CYRIA: variants seen among roughly 807,000 people sequenced by gnomAD.
CYRIA encodes CYFIP related Rac1 interactor A.
CYRIA carries 15 observed loss-of-function variants against 43.9 expected under a neutral mutation model. The observed-to-expected ratio is 0.34, with a 90% CI of 0.23 to 0.53. CYRIA has a LOEUF of 0.53. CYRIA is among the 20% of genes least tolerant of loss of function. CYRIA has a pLI of 0.94. For missense variants in CYRIA, 236 were observed against 394.2 expected, an observed-to-expected ratio of 0.60 and a Z score of 3.40; for synonymous variants, 117 against 136.0, an observed-to-expected ratio of 0.86 and a Z score of 0.97.
Position 16,564,018 on chromosome 2 carries a change from T to C in CYRIA, c.269A>G (p.Lys90Arg). 1 of 1,613,492 alleles carries C rather than the reference T, an allele frequency of 6.2e-7. No homozygotes were observed. Among genetic ancestry groups the C allele is most frequent in the Non-Finnish European group, 8.5e-7 (1 of 1,179,644 alleles). Reference protein sequence around the residue: ...NAVCPLVVRLKRFYEFSIRLE... With the variant: ...NAVCPLVVRLRRFYEFSIRLE... ...TCTAATGGAAAACTCGTAAAATCTC[T>C]TTAGCCTCACAACAAGAGGGCACAC... Residue 90 changes from lysine (K) to arginine (R), a missense_variant, in exon 5 of 12, where the codon AAG becomes AGG. By Grantham distance (26) the Lys-to-Arg change is conservative. Coordinates refer to ENST00000381323, the MANE Select transcript of CYRIA (RefSeq NM_030797.4).
At chr2:16,616,475 G>A (rs1475805287) in intron 2 of CYRIA, among the ~76,000 whole-genome samples, 2 of 152,100 alleles carry the variant, frequency 1.3e-5, no homozygotes, top group African/African-American at 4.8e-5. Flanking sequence ...CACTCCCTCT[G>A]AGAGGACTCC....
intron 2 of CYRIA, among the ~76,000 whole-genome samples, chr2:16,601,598 C>T (rs758935576): frequency 6.6e-6 from 1 of 151,664 alleles, no homozygotes; most frequent in Non-Finnish European, 1.5e-5. Context: ...TTTCTATGAC[C>T]GCTTTCTTGG....
intron 2 of CYRIA, among the ~76,000 whole-genome samples, chr2:16,611,692 G>A (rs554719932): frequency 1.3e-5 from 2 of 151,730 alleles, no homozygotes; most frequent in South Asian, 2.1e-4. Flanking sequence ...CTGCCAAGAC[G>A]CCTGTGAGGT....
intron 3 of CYRIA, among the ~76,000 whole-genome samples, chr2:16,573,415 T>C (rs1364012041): frequency 6.6e-6 from 1 of 152,194 alleles, no homozygotes; most frequent in Non-Finnish European, 1.5e-5. Context: ...GATCAAATAT[T>C]CTACATTTCC....
chr2:16,610,058 T>C (rs1012997047), intron 2 of CYRIA, among the ~76,000 whole-genome samples: 6 of 152,188 alleles, frequency 3.9e-5, no homozygotes, highest in African/African-American at 1.4e-4. Context: ...AAAAATGCAA[T>C]TGAGTACTTA....
chr2:16,629,946 G>A (rs138576567), intron 1 of CYRIA, among the ~76,000 whole-genome samples: 65 of 152,306 alleles, frequency 4.3e-4, no homozygotes, highest in Middle Eastern at 3.4e-3. Context: ...ATGGTGGGAA[G>A]CCGAGCATGG....
intron 8 of CYRIA, 36 bp downstream of exon 8, chr2:16,561,125 A>G (rs567343054): frequency 1.2e-6 from 2 of 1,610,454 alleles, no homozygotes; most frequent in East Asian, 4.5e-5. Context: ...GTGTGGAATT[A>G]AGGAAAAAAG....
At position 16,549,686 on chromosome 2, in the gene CYRIA, A is replaced by T. The variant is rs1476895530; in HGVS notation, c.*3250T>A. On this transcript the variant is annotated 3_prime_UTR_variant, in exon 12 of 12. Coordinates refer to ENST00000381323, the MANE Select transcript of CYRIA (RefSeq NM_030797.4). ...TCCAATGTTTATTACTAACATTTAAAAAATATTTGTAGCTGCATAGGATAC... is the reference window on the plus strand; with the variant it reads ...TCCAATGTTTATTACTAACATTTAATAAATATTTGTAGCTGCATAGGATAC... 3.3e-5 allele frequency: 5 copies of T among 152,180 alleles called. No individual in the cohort carries two copies. The highest frequency in any genetic ancestry group is 2.0e-4 in the Admixed American group (3 of 15,266). 9.4% of individuals were successfully genotyped at this position (152,180 alleles called of 1,614,324 possible).
chr2:16,602,991 C>T (rs1668261291), intron 2 of CYRIA, among the ~76,000 whole-genome samples: 1 of 152,124 alleles, frequency 6.6e-6, no homozygotes, highest in African/African-American at 2.4e-5. Context: ...CCAACTTGAT[C>T]TTCCTGACAC....
chr2:16,635,613 T>C (rs1669472829), intron 1 of CYRIA, among the ~76,000 whole-genome samples: 1 of 152,122 alleles, frequency 6.6e-6, no homozygotes, highest in South Asian at 2.1e-4. Context: ...ATCTGACAAG[T>C]GTCTATTCAC....
intron 9 of CYRIA, 28 bp from the exon 10 acceptor site, chr2:16,559,614 C>A: frequency 6.2e-7 from 1 of 1,607,306 alleles, no homozygotes; most frequent in South Asian, 1.1e-5. Context: ...GCAGTGGCGT[C>A]ACTTCCTTGT....
intron 2 of CYRIA, among the ~76,000 whole-genome samples, chr2:16,601,107 G>C (rs577169796): frequency 6.6e-6 from 1 of 152,102 alleles, no homozygotes; most frequent in Admixed American, 6.5e-5. Context: ...GCTTCCATTA[G>C]ATTCCAAAGG....
intron 1 of CYRIA, among the ~76,000 whole-genome samples, chr2:16,648,118 C>T (rs1669870320): frequency 6.6e-6 from 1 of 152,128 alleles, no homozygotes; most frequent in African/African-American, 2.4e-5. Context: ...AAGTAATTTG[C>T]CTAAAGTCAC....
intron 1 of CYRIA, among the ~76,000 whole-genome samples, chr2:16,653,345 A>G (rs1245808831): frequency 6.6e-6 from 1 of 152,186 alleles, no homozygotes; most frequent in Non-Finnish European, 1.5e-5. Flanking sequence ...TGAGGCTCAG[A>G]CTGGAACAGT....
At chr2:16,600,403 T>A (rs1362640862) in intron 2 of CYRIA, among the ~76,000 whole-genome samples, 1 of 152,156 alleles carries the variant, frequency 6.6e-6, no homozygotes, top group Non-Finnish European at 1.5e-5. Context: ...TCTTCCTCCT[T>A]TGGTTTTCTA....
chr2:16,601,804 G>T (rs1443743077), intron 2 of CYRIA, among the ~76,000 whole-genome samples: 1 of 151,830 alleles, frequency 6.6e-6, no homozygotes, highest in Non-Finnish European at 1.5e-5. Context: ...TAAGTTGATA[G>T]CATTAGCTGC....
intron 10 of CYRIA, among the ~76,000 whole-genome samples, chr2:16,558,597 AG>A (rs1307601108): frequency 6.6e-5 from 10 of 152,206 alleles, no homozygotes; most frequent in Admixed American, 6.5e-4. Flanking sequence ...GATGAAGAGG[AG>A]GTGTGCTTTA....
At chr2:16,636,475 G>C (rs1471678754) in intron 1 of CYRIA, among the ~76,000 whole-genome samples, 3 of 152,156 alleles carry the variant, frequency 2.0e-5, no homozygotes, top group Non-Finnish European at 4.4e-5. Context: ...TCTCTGCCCA[G>C]CCCCTTGCTT....
At chr2:16,658,086 A>C (rs1263399153) in intron 1 of CYRIA, among the ~76,000 whole-genome samples, 1 of 152,236 alleles carries the variant, frequency 6.6e-6, no homozygotes, top group Non-Finnish European at 1.5e-5. Flanking sequence ...AAGACTTAGG[A>C]TAAGGAGATT....
Sources: allele counts gnomAD v4.1 joint callset (sites outside exome capture counted in the v4.1 genomes callset), GRCh38; gene constraint gnomAD v4.1.1; transcripts MANE v1.5; gene names NCBI Gene and HGNC (gene_info 2026-07-23, HGNC 2026-07-21).